Variants in KCNJ5 observed in about 807,000 individuals in gnomAD.
The protein encoded by KCNJ5 is G protein-activated inward rectifier potassium channel 4.
In KCNJ5, 12 loss-of-function variants were observed where a neutral mutation model predicts 20.2. That is an observed-to-expected ratio of 0.59 (90% CI 0.38 to 0.96). KCNJ5 has a LOEUF of 0.96. Ranked by LOEUF, KCNJ5 falls within the 40% of genes least tolerant of loss-of-function variation. The probability of loss-of-function intolerance (pLI) is 0.00; values close to 1 mark genes in which losing one functional copy is unlikely to be tolerated. For missense variants in KCNJ5, 449 were observed against 557.6 expected, an observed-to-expected ratio of 0.81 and a Z score of 1.96; for synonymous variants, 210 against 213.9, an observed-to-expected ratio of 0.98 and a Z score of 0.16.
rs1417714182 is a variant in KCNJ5, at chr11:128,920,563, C to T, written c.*3832C>T. The T allele has an allele frequency of 2.0e-5, 3 of 152,376 alleles. No individual in the cohort carries two copies. In the East Asian group the frequency reaches 5.8e-4, roughly 29 times the overall value. The allele number at this position is 152,376 out of a possible 1,614,324, so 9.4% of individuals were successfully genotyped here. On this transcript the variant is annotated 3_prime_UTR_variant, in exon 3 of 3. Transcript: ENST00000529694. ...CATTTTTAAGACTGTGCCCTGAACA[C>T]ACCTCTGCCCATGCGCCATGGAGCA...
chr11:128,916,711 G>A lies in KCNJ5; in HGVS notation c.1240G>A (p.Glu414Lys), dbSNP rs1944589564. ...DEPKGLGGSR[E>K]ARGSV ...GCCCAAGGGGCTGGGTGGGTCCAGG[G>A]AGGCCAGGGGCTCGGTGTGAGGGGT... The change falls in exon 3 of 3, where the codon GAG (glutamate) becomes AAG (lysine). Residue 414 changes from glutamate to lysine, a missense_variant. Transcript: ENST00000529694. 2 of 1,606,584 alleles carry A rather than the reference G, an allele frequency of 1.2e-6. No individual in the cohort carries two copies. Among genetic ancestry groups the A allele is most frequent in the Admixed American group, 3.4e-5 (2 of 58,504 alleles).
intron 1 of KCNJ5, among the ~76,000 whole-genome samples, chr11:128,898,062 T>C (rs78907918): frequency 0.049 from 7,440 of 152,368 alleles, 245 homozygotes; most frequent in Middle Eastern, 0.12. Context: ...ACTGCAGTTA[T>C]GTAATGAGTC....
At chr11:128,903,572 G>A in intron 1 of KCNJ5, 1 of 1,585,744 alleles carries the variant, frequency 6.3e-7, no homozygotes, top group Non-Finnish European at 8.6e-7. Flanking sequence ...CTGCTAGTTA[G>A]TGGTCTTGTT....
chr11:128,918,574 A>G lies in KCNJ5; in HGVS notation c.*1843A>G, dbSNP rs1318053825. 1 of 152,346 alleles carries G rather than the reference A, an allele frequency of 6.6e-6. No homozygotes were observed. The highest frequency in any genetic ancestry group is 1.5e-5 in the Non-Finnish European group (1 of 68,142). The allele number at this position is 152,346 out of a possible 1,614,324, so 9.4% of individuals were successfully genotyped here. A position where few individuals can be genotyped will look rare whatever the true frequency, so the allele number is the denominator to read the frequency against. On this transcript the variant is annotated 3_prime_UTR_variant, in exon 3 of 3. Transcript: ENST00000529694. ...GCTCTCAACTGGCCTTTGAGAATGG[A>G]AGCCTTTTCCTGCCCTGGATATGGC...
At chr11:128,898,242 G>A (rs769706884) in intron 1 of KCNJ5, among the ~76,000 whole-genome samples, 1 of 152,220 alleles carries the variant, frequency 6.6e-6, no homozygotes, top group Non-Finnish European at 1.5e-5. Context: ...TGAATTCAGA[G>A]AGAATCAACG....
chr11:128,909,450 C>A (rs1229447271), intron 1 of KCNJ5, among the ~76,000 whole-genome samples: 4 of 152,208 alleles, frequency 2.6e-5, no homozygotes, highest in African/African-American at 9.6e-5. Flanking sequence ...ACATGTAGAG[C>A]GCTGCACTGG....
chr11:128,905,568 C>A (rs1292128135), intron 1 of KCNJ5: 1 of 152,358 alleles, frequency 6.6e-6, no homozygotes, highest in African/African-American at 2.4e-5. Context: ...TTCTCTCGCA[C>A]GATCCGGCCA....
intron 2 of KCNJ5, among the ~76,000 whole-genome samples, chr11:128,913,285 A>T (rs1944529127): frequency 6.6e-6 from 1 of 152,220 alleles, no homozygotes; most frequent in South Asian, 2.1e-4. Context: ...CTCACAAAAA[A>T]ACAGTGCATC....
chr11:128,909,029 A>G (rs1218230761), intron 1 of KCNJ5, among the ~76,000 whole-genome samples: 1 of 152,238 alleles, frequency 6.6e-6, no homozygotes, highest in African/African-American at 2.4e-5. Context: ...ATGAAGGAGC[A>G]GGAAGCAGGT....
At chr11:128,896,878 A>G (rs1246285999) in intron 1 of KCNJ5, among the ~76,000 whole-genome samples, 1 of 151,914 alleles carries the variant, frequency 6.6e-6, no homozygotes, top group Non-Finnish European at 1.5e-5. Flanking sequence ...TGGTAGTTGT[A>G]TGTTTAGTTT....
In KCNJ5 at chr11:128,911,436, G is replaced by A. The variant is rs72544301; in HGVS notation, c.163G>A (p.Glu55Lys). The stretch of plus-strand genomic sequence containing the variant: ...CAAGAAGCCACGCCAGCGCTACATG[G>A]AGAAGAGTGGCAAGTGCAACGTGCA... ...EGKKPRQRYM[E>K]KSGKCNVHHG... Residue 55 changes from glutamate to lysine, a missense_variant, in exon 2 of 3, where the codon GAG becomes AAG. Transcript: ENST00000529694. This position sits in a 1 kb window ranked among gnomAD's most constrained non-coding sequence, Gnocchi z 6.3. The A allele has an allele frequency of 5.0e-6, 8 of 1,614,124 alleles. No homozygotes were observed. The highest frequency in any genetic ancestry group is 6.8e-6 in the Non-Finnish European group (8 of 1,180,044).
chr11:128,914,659 A>C (rs1192928364), intron 2 of KCNJ5, among the ~76,000 whole-genome samples: 2 of 152,150 alleles, frequency 1.3e-5, no homozygotes, highest in Non-Finnish European at 2.9e-5. Flanking sequence ...GAGGAAAATC[A>C]ATCTCTTAGG....
intron 1 of KCNJ5, among the ~76,000 whole-genome samples, chr11:128,896,624 G>A (rs908463165): frequency 6.6e-6 from 1 of 152,042 alleles, no homozygotes; most frequent in Non-Finnish European, 1.5e-5. Context: ...GTGTGTGTGT[G>A]TGTGTGTGGT....
Position 128,912,032 on chromosome 11 carries a change from C to A in KCNJ5, c.759C>A (p.Asn253Lys), listed in dbSNP as rs772933591. The A allele has an allele frequency of 7.4e-6, 12 of 1,613,604 alleles. No homozygotes were observed. Among genetic ancestry groups the A allele is most frequent in the East Asian group, 4.5e-5 (2 of 44,874 alleles). ...QTKEGEFIPL[N>K]QTDINVGFDT... ...AAGAGGGGGAGTTCATCCCCCTGAA[C>A]CAGACAGACATCAACGTGGGCTTTG... Residue 253 changes from asparagine to lysine, a missense_variant, in exon 2 of 3, where the codon AAC (asparagine) becomes AAA (lysine). Asn to Lys is a moderately conservative substitution (Grantham distance 94). Transcript: ENST00000529694.
At chr11:128,903,553 A>T in intron 1 of KCNJ5, 1 of 1,606,750 alleles carries the variant, frequency 6.2e-7, no homozygotes, top group Non-Finnish European at 8.5e-7. Context: ...TTAAGAATGA[A>T]ATCAGTGGCT....
At chr11:128,895,382 A>ACCCCC (rs59889127) in intron 1 of KCNJ5, among the ~76,000 whole-genome samples, 3 of 141,310 alleles carry the variant, frequency 2.1e-5, no homozygotes, top group South Asian at 2.3e-4. Flanking sequence ...GTGTGCCCCC[A>ACCCCC]CCCCCCCCCC....
chr11:128,909,474 C>G (rs1022016316), intron 1 of KCNJ5, among the ~76,000 whole-genome samples: 1 of 152,250 alleles, frequency 6.6e-6, no homozygotes, highest in South Asian at 2.1e-4. Context: ...TCATGACAGA[C>G]AGCAAGAAAA....
intron 1 of KCNJ5, among the ~76,000 whole-genome samples, chr11:128,910,520 T>C (rs1180996534): frequency 1.3e-5 from 2 of 152,128 alleles, no homozygotes; most frequent in Admixed American, 6.5e-5. Flanking sequence ...GACCTCAAGA[T>C]AAATAGAGAC....
Position 128,916,310 on chromosome 11 carries a change from A to G in KCNJ5, c.938-99A>G, listed in dbSNP as rs374088463. On this transcript the variant is annotated intron_variant, in intron 2 of 2. Coordinates refer to ENST00000529694, the MANE Select transcript of KCNJ5 (RefSeq NM_000890.5). ...GATGACTGGATGGATGGATGGATGG[A>G]TAGATGGATGGATGGATGGATTGAT... 8.7e-5 allele frequency: 79 copies of G among 904,752 alleles called. No homozygotes were observed. In the East Asian group the frequency reaches 1.0e-3, roughly 12 times the overall value. The allele number at this position is 904,752 out of a possible 1,614,324, so 56.0% of individuals were successfully genotyped here.
Sources: allele counts gnomAD v4.1 joint callset (sites outside exome capture counted in the v4.1 genomes callset), GRCh38; gene constraint gnomAD v4.1.1; non-coding constraint Gnocchi (gnomAD v3.1); transcripts MANE v1.5; gene names NCBI Gene and HGNC (gene_info 2026-07-23, HGNC 2026-07-21).